Variants in ARHGAP29 observed in about 807,000 individuals in gnomAD.
ARHGAP29 encodes rho GTPase-activating protein 29.
In ARHGAP29, 43 loss-of-function variants were observed where a neutral mutation model predicts 122.6. The observed-to-expected ratio is 0.35, with a 90% confidence interval of 0.27 to 0.45. The LOEUF is 0.45. Among genes scored for constraint, ARHGAP29 ranks in the 20% least tolerant of loss-of-function variants. ARHGAP29 has a pLI of 1.00. For missense variants in ARHGAP29, 1,303 were observed against 1,477.2 expected (o/e 0.88, Z 1.93); for synonymous variants, 506 against 497.1 (o/e 1.02, Z -0.24).
At chr1:94,281,764 A>G in the ARHGAP29 span, among the ~76,000 whole-genome samples, 1 of 152,188 alleles carries the variant, frequency 6.6e-6, no homozygotes, top group Non-Finnish European at 1.5e-5. Flanking sequence ...AAACAGTAGG[A>G]CAGAGTGCAG....
At chr1:94,209,423 T>C in intron 3 of ARHGAP29, 73 bp from the exon 4 acceptor site, 1 of 896,816 alleles carries the variant, frequency 1.1e-6, no homozygotes. Flanking sequence ...ATTTAATCCT[T>C]TAAAACTTCA....
At chr1:94,221,487 T>C (rs1484988199) in intron 2 of ARHGAP29, among the ~76,000 whole-genome samples, 1 of 151,562 alleles carries the variant, frequency 6.6e-6, no homozygotes, top group East Asian at 1.9e-4. Context: ...GTATGACCCA[T>C]GTATGTATAT....
At chr1:94,275,784 A>G (rs549848035), upstream of ARHGAP29, among the ~76,000 whole-genome samples, 1 of 152,226 alleles carries the variant, frequency 6.6e-6, no homozygotes, top group East Asian at 1.9e-4. Context: ...AAGAAAAGAT[A>G]TGTTGGAGTG....
the ARHGAP29 span, among the ~76,000 whole-genome samples, chr1:94,292,362 T>C: frequency 6.6e-6 from 1 of 152,198 alleles, no homozygotes; most frequent in East Asian, 1.9e-4. Flanking sequence ...TCTAACCTTT[T>C]TTCAAGGTTT....
the ARHGAP29 span, among the ~76,000 whole-genome samples, chr1:94,284,019 AT>A: frequency 6.6e-6 from 1 of 151,896 alleles, no homozygotes; most frequent in Admixed American, 6.6e-5. Flanking sequence ...AAATCACAGA[AT>A]TTTCACCCAA....
rs1383909298 is a variant in ARHGAP29, at chr1:94,189,987, C to T, written c.1378G>A (p.Gly460Ser). 2 of 1,613,486 alleles carry T rather than the reference C, an allele frequency of 1.2e-6. No homozygotes were observed. Among genetic ancestry groups the T allele is most frequent in the South Asian group, 2.2e-5 (2 of 91,038 alleles). Residue 460 changes from glycine to serine, a missense_variant, in exon 13 of 23, where the codon GGC (glycine) becomes AGC (serine). Physicochemically the swap from Gly to Ser is moderately conservative, Grantham distance 56 (BLOSUM62 0). Around this residue, in one of 3 missense-constraint regions of ARHGAP29, gnomAD observed 592 missense variants for 648.2 expected, o/e 0.91. Coordinates refer to ENST00000260526, the MANE Select transcript of ARHGAP29 (RefSeq NM_004815.4). ...LCDSAKLYDP[G>S]QEYSEFVKAT... ...TTGACAAATTCACTGTACTCTTGGC[C>T]TGGGTCATAGAGTTTGGCACTATCA...
At chr1:94,245,877 G>A (rs1394877608) in intron 1 of ARHGAP29, among the ~76,000 whole-genome samples, 1 of 152,182 alleles carries the variant, frequency 6.6e-6, no homozygotes, top group Non-Finnish European at 1.5e-5. Flanking sequence ...TAACCCCCGG[G>A]ACCAAGAGCA....
chr1:94,244,813 G>GA (rs1327283330), intron 1 of ARHGAP29, among the ~76,000 whole-genome samples: 1 of 151,898 alleles, frequency 6.6e-6, no homozygotes, highest in Non-Finnish European at 1.5e-5. Context: ...AGACAGTGTT[G>GA]AAATAAAACA....
upstream of ARHGAP29, among the ~76,000 whole-genome samples, chr1:94,278,977 T>G (rs1655270582): frequency 6.6e-6 from 1 of 152,216 alleles, no homozygotes; most frequent in African/African-American, 2.4e-5. Flanking sequence ...TAACATCTGA[T>G]GCATGGGAGA....
At position 94,185,075 on chromosome 1, in the gene ARHGAP29, T is replaced by G. The variant is rs754721745; in HGVS notation, c.1921-15A>C. On this transcript the variant is annotated splice_polypyrimidine_tract_variant and intron_variant, in intron 17 of 22. Coordinates refer to ENST00000260526, the MANE Select transcript of ARHGAP29 (RefSeq NM_004815.4). The stretch of plus-strand genomic sequence containing the variant: ...ACAAGGAGACACTACAAGAAAATGA[T>G]AGTTTGAAACTGGTTAACCTTAAAA... 5.0e-6 allele frequency: 8 copies of G among 1,600,156 alleles called. No homozygotes were observed. In the East Asian group the frequency reaches 1.6e-4, roughly 31 times the overall value.
the ARHGAP29 span, among the ~76,000 whole-genome samples, chr1:94,285,897 A>T: frequency 6.6e-6 from 1 of 151,774 alleles, no homozygotes; most frequent in Non-Finnish European, 1.5e-5. Context: ...AAAAGAAAAA[A>T]AAAAAGAACT....
chr1:94,189,430 G>C (rs1650003722), intron 13 of ARHGAP29, 78 bp from the exon 14 acceptor site: 29 of 1,401,750 alleles, frequency 2.1e-5, no homozygotes, highest in Non-Finnish European at 2.6e-5. Flanking sequence ...TCTATGTTTA[G>C]AAAAATCTAT....
intron 1 of ARHGAP29, among the ~76,000 whole-genome samples, chr1:94,272,227 G>A (rs1028037403): frequency 6.6e-6 from 1 of 152,216 alleles, no homozygotes. Context: ...GTAGAGGAAG[G>A]AGAGGGTGAG....
chr1:94,229,723 T>C (rs1331148236), intron 2 of ARHGAP29, among the ~76,000 whole-genome samples: 2 of 151,738 alleles, frequency 1.3e-5, no homozygotes, highest in African/African-American at 4.8e-5. Flanking sequence ...AGTCTCTTTC[T>C]GTATCTTATT....
intron 1 of ARHGAP29, among the ~76,000 whole-genome samples, chr1:94,273,843 A>G (rs1655085492): frequency 6.6e-6 from 1 of 152,128 alleles, no homozygotes; most frequent in African/African-American, 2.4e-5. Context: ...CATTAAGGCT[A>G]GGGAATGCTC....
At position 94,185,568 on chromosome 1, in the gene ARHGAP29, T is replaced by G. The variant is rs879174198; in HGVS notation, c.1781-87A>C. ...CATATTTTGAATAATCTTTAAACCC[T>G]GTAATCATTCATATATTATAAAAAG... On this transcript the variant is annotated intron_variant, in intron 16 of 22. Transcript: ENST00000260526. 117 of 1,166,128 alleles carry G rather than the reference T, an allele frequency of 1.0e-4. 1 individual carries two copies. In the South Asian group the frequency reaches 1.9e-3, roughly 19 times the overall value. The allele number at this position is 1,166,128 out of a possible 1,614,324, so 72.2% of individuals were successfully genotyped here.
intron 1 of ARHGAP29, among the ~76,000 whole-genome samples, chr1:94,245,299 A>T (rs1653747505): frequency 6.6e-6 from 1 of 152,158 alleles, no homozygotes; most frequent in Admixed American, 6.6e-5. Context: ...ATGCATAGCA[A>T]TTTTTTTCAT....
rs1557832652 is a variant in ARHGAP29, at chr1:94,172,696, T to C, written c.*1173A>G. ...AAATATAATTCACACATAAAAACAG[T>C]CTACTTATTTTTTGTCCCTTTTATA... On this transcript the variant is annotated 3_prime_UTR_variant, in exon 23 of 23. Coordinates refer to ENST00000260526, the MANE Select transcript of ARHGAP29 (RefSeq NM_004815.4). 1 of 151,772 alleles carries C rather than the reference T, an allele frequency of 6.6e-6. No homozygotes were observed. The highest frequency in any genetic ancestry group is 1.5e-5 in the Non-Finnish European group (1 of 67,798). The allele number at this position is 151,772 out of a possible 1,614,324, so 9.4% of individuals were successfully genotyped here. A position where few individuals can be genotyped will look rare whatever the true frequency, so the allele number is the denominator to read the frequency against.
At chr1:94,303,609 A>G in the ARHGAP29 span, among the ~76,000 whole-genome samples, 7 of 152,344 alleles carry the variant, frequency 4.6e-5, no homozygotes, top group African/African-American at 1.7e-4. Context: ...AGGAAGTGAC[A>G]TAAGGGTTAA....
Sources: gnomAD v4.1 joint callset for allele counts (sites outside exome capture counted in the v4.1 genomes callset) on GRCh38, gnomAD v4.1.1 for gene constraint, gnomAD v4.1.1 regional missense constraint, MANE v1.5 for transcripts, NCBI Gene and HGNC (gene_info 2026-07-23, HGNC 2026-07-21) for gene names.